Variants in ANTXR1 observed in about 807,000 individuals in gnomAD.
The protein encoded by ANTXR1 is anthrax toxin receptor 1.
Under a neutral mutation model 78.1 loss-of-function variants are expected in ANTXR1, and 19 were observed. The observed-to-expected ratio is 0.24, with a 90% confidence interval of 0.17 to 0.36. The LOEUF (loss-of-function observed/expected upper bound fraction) is 0.36. Ranked by LOEUF, ANTXR1 falls within the 10% of genes least tolerant of loss-of-function variation. The pLI is 1.00. For missense variants in ANTXR1, 518 were observed against 718.6 expected, an observed-to-expected ratio of 0.72 and a Z score of 3.19; for synonymous variants, 273 against 260.5, an observed-to-expected ratio of 1.05 and a Z score of -0.46.
At chr2:69,215,410 A>T (rs750395661) in intron 17 of ANTXR1, among the ~76,000 whole-genome samples, 1 of 152,196 alleles carries the variant, frequency 6.6e-6, no homozygotes, top group Non-Finnish European at 1.5e-5. Flanking sequence ...ACTTATTAGA[A>T]TATCTTACAG....
intron 17 of ANTXR1, among the ~76,000 whole-genome samples, chr2:69,222,516 C>T (rs1420554968): frequency 6.6e-6 from 1 of 152,180 alleles, no homozygotes; most frequent in African/African-American, 2.4e-5. Flanking sequence ...AATGAACTCT[C>T]TAGTTATAAA....
intron 17 of ANTXR1, among the ~76,000 whole-genome samples, chr2:69,213,475 A>G (rs77794997): frequency 0.059 from 8,977 of 152,276 alleles, 720 homozygotes; most frequent in African/African-American, 0.18. Flanking sequence ...CAGAGCTTCT[A>G]TTTTTTCTGT....
chr2:69,228,550 T>TAA (rs1675519531), intron 17 of ANTXR1, among the ~76,000 whole-genome samples: 1 of 143,464 alleles, frequency 7.0e-6, no homozygotes, highest in African/African-American at 3.0e-5. Flanking sequence ...GAGCCATTTC[T>TAA]ACATTTTTGA....
In ANTXR1 at chr2:69,248,877, A is replaced by G. The variant is rs1676076838; in HGVS notation, c.*3392A>G. On this transcript the variant is annotated 3_prime_UTR_variant, in exon 18 of 18. Transcript: ENST00000303714. The stretch of plus-strand genomic sequence containing the variant: ...GTTAATGCACATCCTGTGGGAATGG[A>G]GTGTTCTAACCAATTGCCTTTTCTT... 1 of 151,762 alleles carries G rather than the reference A, an allele frequency of 6.6e-6. No homozygotes were observed. Among genetic ancestry groups the G allele is most frequent in the African/African-American group, 2.4e-5 (1 of 41,012 alleles). 9.4% of individuals were successfully genotyped at this position (151,762 alleles called of 1,614,324 possible). A position where few individuals can be genotyped will look rare whatever the true frequency, so the allele number is the denominator to read the frequency against.
chr2:69,046,894 A>G (rs1176640712), intron 3 of ANTXR1, among the ~76,000 whole-genome samples: 1 of 152,186 alleles, frequency 6.6e-6, no homozygotes, highest in Non-Finnish European at 1.5e-5. Flanking sequence ...GAATTAAGAA[A>G]AACTTGTTCA....
intron 9 of ANTXR1, among the ~76,000 whole-genome samples, chr2:69,102,318 C>G (rs989317776): frequency 6.6e-6 from 1 of 152,272 alleles, no homozygotes. Flanking sequence ...TACATAATGA[C>G]AGTCCTACAT....
intron 17 of ANTXR1, among the ~76,000 whole-genome samples, chr2:69,231,080 A>C (rs538151049): frequency 7.9e-5 from 12 of 152,306 alleles, no homozygotes; most frequent in Admixed American, 3.9e-4. Context: ...TTCCTGCTTT[A>C]GTTTGCTAAG....
intron 17 of ANTXR1, among the ~76,000 whole-genome samples, chr2:69,229,309 A>C (rs1224915254): frequency 1.3e-5 from 2 of 152,238 alleles, no homozygotes; most frequent in Admixed American, 1.3e-4. Flanking sequence ...GTTGACAGCT[A>C]CTGGCATAGG....
At position 69,145,524 on chromosome 2, in the gene ANTXR1, A is replaced by G. The variant is rs983123687; in HGVS notation, c.952-6645A>G. The G allele has an allele frequency of 3.1e-5, 44 of 1,436,668 alleles. No homozygotes were observed. The East Asian group carries it at 7.8e-4, about 25-fold the overall frequency. 89.0% of individuals were successfully genotyped at this position (1,436,668 alleles called of 1,614,324 possible). On this transcript the variant is annotated intron_variant, in intron 12 of 17. Transcript: ENST00000303714. ...AGTTACGCACACTGAGTGCCCCAAC[A>G]TGGAAAGAAACATCAGGAGGGACAG...
intron 12 of ANTXR1, among the ~76,000 whole-genome samples, chr2:69,151,894 CTCTG>C (rs1368352533): frequency 1.3e-5 from 2 of 152,198 alleles, no homozygotes; most frequent in African/African-American, 4.8e-5. Flanking sequence ...TTCATGCCTG[CTCTG>C]TCTCTTATGC....
chr2:69,100,757 C>T (rs1671582588), intron 9 of ANTXR1, among the ~76,000 whole-genome samples: 1 of 152,190 alleles, frequency 6.6e-6, no homozygotes, highest in Non-Finnish European at 1.5e-5. Flanking sequence ...TTTCTATAGG[C>T]TTAACTGAGC....
At chr2:69,094,268 A>G (rs575540329) in intron 9 of ANTXR1, among the ~76,000 whole-genome samples, 1 of 152,370 alleles carries the variant, frequency 6.6e-6, no homozygotes, top group Non-Finnish European at 1.5e-5. Flanking sequence ...TATCAGCATC[A>G]TCTTAATAAG....
chr2:69,221,578 A>T (rs1413860953), intron 17 of ANTXR1, among the ~76,000 whole-genome samples: 1 of 151,990 alleles, frequency 6.6e-6, no homozygotes, highest in Admixed American at 6.6e-5. Flanking sequence ...GTGACCCTGG[A>T]GTCACTGGAT....
intron 3 of ANTXR1, among the ~76,000 whole-genome samples, chr2:69,065,268 AC>A (rs753923182): frequency 1.3e-5 from 2 of 151,952 alleles, no homozygotes; most frequent in Non-Finnish European, 2.9e-5. Context: ...TACTAAAAAT[AC>A]AAAAAATTAG....
chr2:69,108,180 G>C (rs1015789189), intron 10 of ANTXR1, among the ~76,000 whole-genome samples: 1 of 152,100 alleles, frequency 6.6e-6, no homozygotes, highest in Non-Finnish European at 1.5e-5. Context: ...ACAATGGCTA[G>C]TGACTACCAT....
intron 12 of ANTXR1, chr2:69,135,107 G>T: frequency 2.6e-6 from 1 of 382,754 alleles, no homozygotes; most frequent in South Asian, 2.0e-5. Context: ...AAAGTAGTTT[G>T]CCAACATCTC....
chr2:69,178,213 A>C lies in ANTXR1; in HGVS notation c.1090-3573A>C, dbSNP rs552841975. On this transcript the variant is annotated intron_variant, in intron 14 of 17. Transcript: ENST00000303714. ...TCCATTTTTGGCCAAATGGAAAGAC[A>C]CATCAAAGATTCCCTTCTCTTCCTG... 2.6e-5 allele frequency among the ~76,000 whole-genome samples: 4 copies of C among 152,314 alleles called. No homozygotes were observed. The East Asian group carries it at 5.8e-4, about 22-fold the overall frequency.
At chr2:69,161,108 G>T (rs1309682875) in intron 13 of ANTXR1, among the ~76,000 whole-genome samples, 1 of 152,198 alleles carries the variant, frequency 6.6e-6, no homozygotes, top group Non-Finnish European at 1.5e-5. Context: ...CCAGGCAGAG[G>T]CCAGAGGCTG....
chr2:69,057,972 C>T (rs747727984), intron 3 of ANTXR1, among the ~76,000 whole-genome samples: 6 of 152,204 alleles, frequency 3.9e-5, no homozygotes, highest in Non-Finnish European at 5.9e-5. Flanking sequence ...ACAGCCACAA[C>T]ATTCCCTAAG....
Sources: allele counts gnomAD v4.1 joint callset (sites outside exome capture counted in the v4.1 genomes callset), GRCh38; gene constraint gnomAD v4.1.1; transcripts MANE v1.5; gene names NCBI Gene and HGNC (gene_info 2026-07-23, HGNC 2026-07-21).